The following RAB3GAP2 variants were observed in gnomAD, a reference collection of about 807,000 sequenced individuals.
RAB3GAP2 encodes the protein rab3 GTPase-activating protein non-catalytic subunit.
Under a neutral mutation model 185.3 loss-of-function variants are expected in RAB3GAP2, and 87 were observed. The ratio of observed to expected loss-of-function variants is 0.47; its 90% confidence interval spans 0.39 to 0.56. RAB3GAP2 has a LOEUF of 0.56. Among genes scored for constraint, RAB3GAP2 ranks in the 20% least tolerant of loss-of-function variants. RAB3GAP2 has a pLI of 0.00. For missense variants in RAB3GAP2, 1,492 were observed against 1,638.2 expected (o/e 0.91, Z 1.54); for synonymous variants, 554 against 576.1 (o/e 0.96, Z 0.55).
At chr1:220,208,694 G>C (rs1225849827) in intron 7 of RAB3GAP2, among the ~76,000 whole-genome samples, 1 of 151,958 alleles carries the variant, frequency 6.6e-6, no homozygotes, top group African/African-American at 2.4e-5. Context: ...CAATAACCAG[G>C]TCCTATTAAT....
intron 3 of RAB3GAP2, 39 bp from the exon 4 acceptor site, chr1:220,213,007 A>G (rs1249129040): frequency 5.6e-6 from 8 of 1,426,636 alleles, no homozygotes; most frequent in South Asian, 1.2e-5. Flanking sequence ...AATTTTAGCT[A>G]TAATACACTA....
intron 26 of RAB3GAP2, among the ~76,000 whole-genome samples, chr1:220,165,441 C>T (rs1195619073): frequency 6.6e-6 from 1 of 151,902 alleles, no homozygotes; most frequent in Admixed American, 6.6e-5. Flanking sequence ...AACTCAAATA[C>T]AGTATACAAC....
In RAB3GAP2 at chr1:220,153,373, C is replaced by A. The variant is rs777993806; in HGVS notation, c.3679G>T (p.Ala1227Ser). 1 of 1,614,136 alleles carries A rather than the reference C, an allele frequency of 6.2e-7. No homozygotes were observed. The highest frequency in any genetic ancestry group is 1.1e-5 in the South Asian group (1 of 91,082). Reference sequence around the variant, plus strand: ...TTGACCTTTGTGGCTGAATGTTGGGCCTGGACAGCTGCACTGACAACTTTC... The same window carrying A: ...TTGACCTTTGTGGCTGAATGTTGGGACTGGACAGCTGCACTGACAACTTTC... ...LLKVVSAAVQ[A>S]QHSATKVKDP... Residue 1227 changes from alanine to serine, a missense_variant, in exon 33 of 35, where the codon GCC (alanine) becomes TCC (serine). Ala to Ser is a moderately conservative substitution (Grantham distance 99, BLOSUM62 1). Transcript: ENST00000358951.
At chr1:220,222,160 T>C (rs932398574) in intron 2 of RAB3GAP2, among the ~76,000 whole-genome samples, 1 of 152,220 alleles carries the variant, frequency 6.6e-6, no homozygotes, top group Non-Finnish European at 1.5e-5. Flanking sequence ...TTCAGCAATT[T>C]TGAAACACAA....
intron 1 of RAB3GAP2, among the ~76,000 whole-genome samples, chr1:220,244,454 C>T (rs1443464487): frequency 2.6e-5 from 4 of 152,036 alleles, no homozygotes; most frequent in African/African-American, 7.2e-5. Context: ...CGGGAAGAAT[C>T]GATATTGTGA....
rs1407445509 is a variant in RAB3GAP2, at chr1:220,157,183, C to T, written c.3555+87G>A. The T allele has an allele frequency of 2.6e-6, 3 of 1,170,590 alleles. No homozygotes were observed. In the East Asian group the frequency reaches 7.5e-5, roughly 29 times the overall value. 72.5% of individuals were successfully genotyped at this position (1,170,590 alleles called of 1,614,324 possible). On this transcript the variant is annotated intron_variant, in intron 31 of 34. Coordinates refer to ENST00000358951, the MANE Select transcript of RAB3GAP2 (RefSeq NM_012414.4). ...CCAAATTATACCAGTCACAAAAGTA[C>T]TGGACAGCTTCTATTAAATATGAAA...
chr1:220,195,467 G>T, intron 10 of RAB3GAP2, 90 bp from the exon 11 acceptor site: 1 of 1,260,300 alleles, frequency 7.9e-7, no homozygotes, highest in Non-Finnish European at 1.2e-6. Context: ...AAAATGCTTT[G>T]AAAAGTTGTA....
intron 2 of RAB3GAP2, among the ~76,000 whole-genome samples, chr1:220,228,384 G>T (rs890089603): frequency 6.6e-6 from 1 of 152,162 alleles, no homozygotes; most frequent in African/African-American, 2.4e-5. Context: ...TCTTACTTCA[G>T]CTGAGTAGAT....
At chr1:220,232,217 G>C (rs537853406) in intron 2 of RAB3GAP2, among the ~76,000 whole-genome samples, 2 of 152,180 alleles carry the variant, frequency 1.3e-5, no homozygotes, top group Non-Finnish European at 2.9e-5. Flanking sequence ...TTAGCCCACT[G>C]CTATGGTTTG....
chr1:220,173,457 T>C (rs1417024221), intron 21 of RAB3GAP2, among the ~76,000 whole-genome samples: 4 of 152,202 alleles, frequency 2.6e-5, no homozygotes, highest in East Asian at 3.8e-4. Context: ...TACTTTTATG[T>C]GAAAAATAGC....
intron 9 of RAB3GAP2, among the ~76,000 whole-genome samples, chr1:220,198,054 C>T (rs139312563): frequency 6.6e-6 from 1 of 152,152 alleles, no homozygotes; most frequent in East Asian, 1.9e-4. Context: ...CTATTTTTTC[C>T]ACTATTTATC....
intron 1 of RAB3GAP2, among the ~76,000 whole-genome samples, chr1:220,245,549 G>A (rs1324769065): frequency 1.3e-5 from 2 of 152,162 alleles, no homozygotes; most frequent in Non-Finnish European, 2.9e-5. Context: ...TGCTAGCACA[G>A]CAGTCTGAGA....
At chr1:220,238,668 A>G (rs1301860870) in intron 1 of RAB3GAP2, among the ~76,000 whole-genome samples, 1 of 152,176 alleles carries the variant, frequency 6.6e-6, no homozygotes, top group African/African-American at 2.4e-5. Flanking sequence ...TCCTACACCC[A>G]TTAACTAAAT....
chr1:220,173,200 T>C (rs1462532538), intron 21 of RAB3GAP2, among the ~76,000 whole-genome samples: 1 of 152,186 alleles, frequency 6.6e-6, no homozygotes, highest in Non-Finnish European at 1.5e-5. Context: ...TACATAAAAG[T>C]ATCAAACTCC....
chr1:220,222,796 A>C (rs1297153851), intron 2 of RAB3GAP2, among the ~76,000 whole-genome samples: 2 of 152,104 alleles, frequency 1.3e-5, no homozygotes, highest in Admixed American at 6.5e-5. Flanking sequence ...AAAAACCCCC[A>C]AAAACCCCTT....
intron 1 of RAB3GAP2, among the ~76,000 whole-genome samples, chr1:220,241,046 A>C (rs1039273014): frequency 6.6e-6 from 1 of 152,096 alleles, no homozygotes; most frequent in African/African-American, 2.4e-5. Flanking sequence ...TTAATCAATC[A>C]TCAAAAAAAT....
At chr1:220,249,354 G>A (rs1013341091) in intron 1 of RAB3GAP2, among the ~76,000 whole-genome samples, 4 of 152,092 alleles carry the variant, frequency 2.6e-5, no homozygotes, top group Admixed American at 6.5e-5. Context: ...TTGGGAACTG[G>A]AGAAAAGGTC....
chr1:220,194,175 T>A (rs1658678934), intron 12 of RAB3GAP2, among the ~76,000 whole-genome samples: 1 of 151,930 alleles, frequency 6.6e-6, no homozygotes, highest in Admixed American at 6.6e-5. Flanking sequence ...GTACTTTATA[T>A]TAGGTAATAA....
chr1:220,179,926 G>A (rs1207867133), intron 21 of RAB3GAP2, among the ~76,000 whole-genome samples: 1 of 152,168 alleles, frequency 6.6e-6, no homozygotes, highest in South Asian at 2.1e-4. Context: ...CACTTTGGGA[G>A]GCCGAGACAG....
Sources: gnomAD v4.1 joint callset for allele counts (sites outside exome capture counted in the v4.1 genomes callset) on GRCh38, gnomAD v4.1.1 for gene constraint, MANE v1.5 for transcripts, NCBI Gene and HGNC (gene_info 2026-07-23, HGNC 2026-07-21) for gene names.